HS2ST1: variants seen among roughly 807,000 people sequenced by gnomAD.
HS2ST1 encodes heparan sulfate 2-O-sulfotransferase 1, also known as 2-O-sulfotransferase.
In HS2ST1, 18 loss-of-function variants were observed where a neutral mutation model predicts 42.9. That is an observed-to-expected ratio of 0.42 (90% CI 0.29 to 0.62). The LOEUF is 0.62. Among genes scored for constraint, HS2ST1 ranks in the 20% least tolerant of loss-of-function variants. HS2ST1 has a pLI of 0.21. For missense variants in HS2ST1, 334 were observed against 433.8 expected (o/e 0.77, Z 2.04); for synonymous variants, 146 against 152.9 (o/e 0.95, Z 0.33).
At chr1:86,964,084 G>A (rs1326642357) in intron 1 of HS2ST1, among the ~76,000 whole-genome samples, 9 of 151,078 alleles carry the variant, frequency 6.0e-5, no homozygotes, top group Admixed American at 1.3e-4. Flanking sequence ...ACGGGGTGGC[G>A]GGGCAGAGGC....
chr1:86,953,754 C>A (rs761524746), intron 1 of HS2ST1, among the ~76,000 whole-genome samples: 1 of 151,452 alleles, frequency 6.6e-6, no homozygotes, highest in Non-Finnish European at 1.5e-5. Flanking sequence ...GTGAGACTCC[C>A]GTCTCAAAAA....
rs375295442 is a variant in HS2ST1 at position 87,024,622 on chromosome 1, A to G, written c.125-48312A>G. Among the ~76,000 whole-genome samples the G allele has an allele frequency of 3.4e-4, 52 of 152,294 alleles. 1 individual carries two copies. In the East Asian group the frequency reaches 0.01, roughly 29 times the overall value. ...CATAACCTTTTAAATTTCCTTAACT[A>G]TGAAATAGGGATAATTAAATGTATC... On this transcript the variant is annotated intron_variant, in intron 1 of 6. Coordinates refer to ENST00000370550, the MANE Select transcript of HS2ST1 (RefSeq NM_012262.4).
chr1:86,990,122 A>G (rs1481655519), intron 1 of HS2ST1, among the ~76,000 whole-genome samples: 2 of 152,188 alleles, frequency 1.3e-5, no homozygotes, highest in Non-Finnish European at 2.9e-5. Context: ...TTCTGGTTCT[A>G]GATCCTTCAG....
In HS2ST1 at chr1:86,980,484, T is replaced by G. The variant is rs551561150; in HGVS notation, c.124+65324T>G. Among the ~76,000 whole-genome samples the G allele has an allele frequency of 4.2e-4, 64 of 152,254 alleles. 1 individual carries two copies. The South Asian group carries it at 0.013, about 32-fold the overall frequency. Reference sequence around the variant, plus strand: ...ATCCAATTCATTGATTTTTTTTTTCTTAACTAAAATTTCTTCAGTGTGCAT... The same window carrying G: ...ATCCAATTCATTGATTTTTTTTTTCGTAACTAAAATTTCTTCAGTGTGCAT... On this transcript the variant is annotated intron_variant, in intron 1 of 6. Coordinates refer to ENST00000370550, the MANE Select transcript of HS2ST1 (RefSeq NM_012262.4).
At chr1:86,981,673 G>A (rs1220131623) in intron 1 of HS2ST1, among the ~76,000 whole-genome samples, 6 of 152,230 alleles carry the variant, frequency 3.9e-5, no homozygotes, top group African/African-American at 1.4e-4. Context: ...CTGATGCAAG[G>A]GATAGGCTCC....
chr1:86,964,841 T>G (rs2102202323), intron 1 of HS2ST1, among the ~76,000 whole-genome samples: 1 of 152,344 alleles, frequency 6.6e-6, no homozygotes, highest in African/African-American at 2.4e-5. Context: ...TTTATTGTTT[T>G]GTGATTAGCA....
Position 86,972,391 on chromosome 1 carries a change from G to A in HS2ST1, c.124+57231G>A, listed in dbSNP as rs538550886. Reference sequence around the variant, plus strand: ...TAAGAGATGGAGGTCTCATTCTATCGCCCAGGCTGGAGTGCAGTGGTGTAA... The same window carrying A: ...TAAGAGATGGAGGTCTCATTCTATCACCCAGGCTGGAGTGCAGTGGTGTAA... On this transcript the variant is annotated intron_variant, in intron 1 of 6. Transcript: ENST00000370550. 5.3e-5 allele frequency among the ~76,000 whole-genome samples: 8 copies of A among 151,480 alleles called. No individual in the cohort carries two copies. In the East Asian group the frequency reaches 7.7e-4, roughly 15 times the overall value.
intron 1 of HS2ST1, among the ~76,000 whole-genome samples, chr1:86,930,467 G>A (rs753248637): frequency 6.6e-6 from 1 of 151,824 alleles, no homozygotes; most frequent in Non-Finnish European, 1.5e-5. Context: ...CACATGAAGC[G>A]TAATACCCCA....
chr1:86,941,770 A>G (rs1660768673), intron 1 of HS2ST1, among the ~76,000 whole-genome samples: 1 of 152,162 alleles, frequency 6.6e-6, no homozygotes. Context: ...GCAAGAATCC[A>G]TCTCAAAAAA....
At chr1:87,073,938 TAGAA>T (rs1323094963) in intron 2 of HS2ST1, among the ~76,000 whole-genome samples, 4 of 152,218 alleles carry the variant, frequency 2.6e-5, no homozygotes, top group African/African-American at 9.6e-5. Context: ...GTAGGCTTAT[TAGAA>T]AGATATTTGT....
intron 1 of HS2ST1, among the ~76,000 whole-genome samples, chr1:86,947,583 CCTT>C (rs1052793729): frequency 1.4e-5 from 2 of 144,482 alleles, no homozygotes; most frequent in Non-Finnish European, 3.1e-5. Context: ...TGTCCCTTCT[CCTT>C]TTTTTTTTTT....
At chr1:86,967,279 C>T (rs925662118) in intron 1 of HS2ST1, among the ~76,000 whole-genome samples, 3 of 152,072 alleles carry the variant, frequency 2.0e-5, no homozygotes, top group African/African-American at 4.8e-5. Context: ...ACCATTTGTA[C>T]TATATTTCTT....
intron 1 of HS2ST1, among the ~76,000 whole-genome samples, chr1:86,976,704 G>GTATATATATATATATATATATATATATTA (rs147039703): frequency 1.3e-5 from 1 of 79,662 alleles, no homozygotes; most frequent in Non-Finnish European, 2.7e-5. Context: ...TTATAAAATT[G>GTATATATATATATATATATATATATATTA]TATATATATA....
intron 2 of HS2ST1, among the ~76,000 whole-genome samples, chr1:87,077,691 T>C (rs1651580375): frequency 6.6e-6 from 1 of 152,238 alleles, no homozygotes; most frequent in African/African-American, 2.4e-5. Flanking sequence ...ATATCCCTTA[T>C]GTTTAGAATA....
In HS2ST1 at chr1:87,108,103, T is replaced by G. The variant is rs1652369405; in HGVS notation, c.*3407T>G. Reference sequence around the variant, plus strand: ...CATCAGTGATTTACAAACAATATTTTGATATTGCAGATGACTTGCTTACTG... The same window carrying G: ...CATCAGTGATTTACAAACAATATTTGGATATTGCAGATGACTTGCTTACTG... On this transcript the variant is annotated 3_prime_UTR_variant, in exon 7 of 7. Transcript: ENST00000370550. The G allele has an allele frequency of 6.6e-6, 1 of 152,120 alleles. No individual in the cohort carries two copies. Among genetic ancestry groups the G allele is most frequent in the Non-Finnish European group, 1.5e-5 (1 of 67,964 alleles). The allele number at this position is 152,120 out of a possible 1,614,324, so 9.4% of individuals were successfully genotyped here.
chr1:86,917,284 C>T (rs779404701), intron 1 of HS2ST1, among the ~76,000 whole-genome samples: 13 of 152,044 alleles, frequency 8.6e-5, no homozygotes, highest in African/African-American at 2.9e-4. Flanking sequence ...TTTGGGAGGC[C>T]GAGGCCGGCG....
chr1:87,003,394 A>G (rs1649346230), intron 1 of HS2ST1, among the ~76,000 whole-genome samples: 1 of 152,236 alleles, frequency 6.6e-6, no homozygotes, highest in Non-Finnish European at 1.5e-5. Context: ...TTGAATGTAT[A>G]CAGTATTCAT....
At chr1:86,959,615 G>A (rs1291631677) in intron 1 of HS2ST1, among the ~76,000 whole-genome samples, 2 of 152,086 alleles carry the variant, frequency 1.3e-5, no homozygotes, top group Admixed American at 6.6e-5. Context: ...CTGAGATCAC[G>A]CCACTGCTCT....
At chr1:87,009,086 G>A (rs545975426) in intron 1 of HS2ST1, among the ~76,000 whole-genome samples, 12 of 152,170 alleles carry the variant, frequency 7.9e-5, no homozygotes, top group Admixed American at 2.6e-4. Context: ...TCAAGCGATC[G>A]CCCACCTCGG....
Sources: gnomAD v4.1 joint callset for allele counts (sites outside exome capture counted in the v4.1 genomes callset) on GRCh38, gnomAD v4.1.1 for gene constraint, MANE v1.5 for transcripts, NCBI Gene and HGNC (gene_info 2026-07-23, HGNC 2026-07-21) for gene names.